TNPO3: variants seen among roughly 807,000 people sequenced by gnomAD.
TNPO3 encodes transportin-3.
TNPO3 carries 65 observed loss-of-function variants against 122.8 expected under a neutral mutation model. That is an observed-to-expected ratio of 0.53 (90% CI 0.43 to 0.65). The LOEUF (loss-of-function observed/expected upper bound fraction) is 0.65. TNPO3 is among the 30% of genes least tolerant of loss of function. The probability of loss-of-function intolerance (pLI) is 0.00; values close to 1 mark genes in which losing one functional copy is unlikely to be tolerated. For synonymous variants in TNPO3, 372 were observed against 411.2 expected (o/e 0.90, Z 1.15); for missense variants, 850 against 1,136.7 (o/e 0.75, Z 3.63).
intron 4 of TNPO3, among the ~76,000 whole-genome samples, chr7:129,012,554 T>C (rs573194165): frequency 6.6e-6 from 1 of 152,250 alleles, no homozygotes; most frequent in East Asian, 1.9e-4. Context: ...CCACAAAGTA[T>C]AATGCAAATA....
chr7:128,989,781 A>G (rs1247949078), intron 11 of TNPO3, among the ~76,000 whole-genome samples, 180 bp downstream of exon 11: 1 of 152,218 alleles, frequency 6.6e-6, no homozygotes, highest in Non-Finnish European at 1.5e-5. Context: ...CTTCTCCCAG[A>G]TCAGATTATA....
intron 4 of TNPO3, among the ~76,000 whole-genome samples, chr7:129,005,520 T>C (rs543807859): frequency 3.3e-5 from 5 of 152,280 alleles, no homozygotes; most frequent in Admixed American, 3.3e-4. Flanking sequence ...GACTGAATCA[T>C]GGGAATGAAC....
At chr7:129,005,803 A>C in intron 4 of TNPO3, among the ~76,000 whole-genome samples, 1 of 132,940 alleles carries the variant, frequency 7.5e-6, no homozygotes, top group African/African-American at 2.8e-5. Flanking sequence ...TTTTTTTGAG[A>C]TGGAGTATTG....
chr7:128,996,125 G>A (rs1266168029), intron 8 of TNPO3, among the ~76,000 whole-genome samples: 1 of 152,170 alleles, frequency 6.6e-6, no homozygotes, highest in Non-Finnish European at 1.5e-5. Context: ...TTAAAATTAA[G>A]AGAACAGCAC....
At chr7:129,013,443 A>T (rs987593082) in intron 4 of TNPO3, among the ~76,000 whole-genome samples, 7 of 152,020 alleles carry the variant, frequency 4.6e-5, no homozygotes, top group African/African-American at 1.7e-4. Context: ...GCAAAAAAAA[A>T]AAAAAATTAA....
At chr7:129,044,588 T>G (rs1378370259) in intron 1 of TNPO3, among the ~76,000 whole-genome samples, 1 of 152,212 alleles carries the variant, frequency 6.6e-6, no homozygotes, top group Non-Finnish European at 1.5e-5. Flanking sequence ...GTAGCAATAC[T>G]GTTAACTTCC....
chr7:129,045,926 G>A (rs532164664), intron 1 of TNPO3, among the ~76,000 whole-genome samples: 11 of 152,044 alleles, frequency 7.2e-5, no homozygotes, highest in East Asian at 3.9e-4. Flanking sequence ...TAGGCCGGGC[G>A]CAGTGGCTCA....
At chr7:129,026,302 G>A (rs1035825736) in intron 1 of TNPO3, among the ~76,000 whole-genome samples, 1 of 151,482 alleles carries the variant, frequency 6.6e-6, no homozygotes, top group Non-Finnish European at 1.5e-5. Flanking sequence ...AGGCAAACCA[G>A]TAATCTTAGA....
intron 1 of TNPO3, chr7:129,041,702 G>A: frequency 1.0e-6 from 1 of 985,488 alleles, no homozygotes; most frequent in Non-Finnish European, 1.2e-6. Context: ...CCCACTAGCA[G>A]CACATTTCAA....
chr7:128,962,939 A>G (rs1340858139), intron 21 of TNPO3, among the ~76,000 whole-genome samples: 1 of 152,176 alleles, frequency 6.6e-6, no homozygotes, highest in Admixed American at 6.5e-5. Context: ...TATCTGTCAT[A>G]TATTAGTCCC....
At chr7:128,965,880 T>A (rs1563086573) in intron 21 of TNPO3, among the ~76,000 whole-genome samples, 1 of 152,176 alleles carries the variant, frequency 6.6e-6, no homozygotes, top group Non-Finnish European at 1.5e-5. Flanking sequence ...TCTAGAGTAG[T>A]CAGACTCAAA....
At chr7:129,014,743 T>G (rs900471612) in intron 4 of TNPO3, among the ~76,000 whole-genome samples, 1 of 152,224 alleles carries the variant, frequency 6.6e-6, no homozygotes, top group African/African-American at 2.4e-5. Context: ...GTTGTGTAAC[T>G]CTAAAGTCCA....
At chr7:128,993,564 C>A (rs1200565509) in intron 9 of TNPO3, among the ~76,000 whole-genome samples, 2 of 152,194 alleles carry the variant, frequency 1.3e-5, no homozygotes, top group Non-Finnish European at 2.9e-5. Context: ...ACAAGTGGAA[C>A]AGCAATCAGT....
intron 9 of TNPO3, among the ~76,000 whole-genome samples, 179 bp downstream of exon 9, chr7:128,993,628 G>C (rs1194391542): frequency 6.6e-6 from 1 of 152,174 alleles, no homozygotes; most frequent in Non-Finnish European, 1.5e-5. Context: ...CAACTGACTT[G>C]TAAAATGTTA....
At chr7:129,002,612 C>T (rs116847922) in intron 5 of TNPO3, among the ~76,000 whole-genome samples, 1 of 152,112 alleles carries the variant, frequency 6.6e-6, no homozygotes, top group African/African-American at 2.4e-5. Flanking sequence ...CATTATATTA[C>T]CAAGTTATAA....
chr7:128,989,799 T>C (rs1168786861), intron 11 of TNPO3, among the ~76,000 whole-genome samples, 162 bp downstream of exon 11: 2 of 152,210 alleles, frequency 1.3e-5, no homozygotes, highest in East Asian at 3.8e-4. Flanking sequence ...ATAAATGTTA[T>C]ATCAAATAAG....
chr7:129,045,152 A>C (rs1807870207), intron 1 of TNPO3, among the ~76,000 whole-genome samples: 1 of 152,224 alleles, frequency 6.6e-6, no homozygotes, highest in African/African-American at 2.4e-5. Context: ...AAGAATAGTC[A>C]CATTCATAGA....
chr7:128,979,002 A>G lies in TNPO3; in HGVS notation c.2042T>C (p.Leu681Pro). The G allele has an allele frequency of 6.2e-7, 1 of 1,614,226 alleles. No individual in the cohort carries two copies. The highest frequency in any genetic ancestry group is 1.1e-5 in the South Asian group (1 of 91,090). Reference protein sequence around the residue: ...RCVGKGSAALLQPLVTQMVNV... With the variant: ...RCVGKGSAALPQPLVTQMVNV... Reference sequence around the variant, plus strand: ...CTTTACCTGTGTGACTAGTGGCTGCAGCAGTGCTGCAGATCCTTTGCCTAC... The same window carrying G: ...CTTTACCTGTGTGACTAGTGGCTGCGGCAGTGCTGCAGATCCTTTGCCTAC... The change falls in exon 16 of 23, where the codon CTG becomes CCG. Residue 681 changes from leucine to proline, a missense_variant. Leu to Pro is a moderately conservative substitution (Grantham distance 98, BLOSUM62 -3). Coordinates refer to ENST00000265388, the MANE Select transcript of TNPO3 (RefSeq NM_012470.4).
intron 12 of TNPO3, among the ~76,000 whole-genome samples, chr7:128,984,504 T>A (rs1799949984): frequency 6.6e-6 from 1 of 152,200 alleles, no homozygotes; most frequent in Non-Finnish European, 1.5e-5. Context: ...TGTCAAAGAC[T>A]TTTAAAATCT....
Sources: allele counts gnomAD v4.1 joint callset (sites outside exome capture counted in the v4.1 genomes callset), GRCh38; gene constraint gnomAD v4.1.1; transcripts MANE v1.5; gene names NCBI Gene and HGNC (gene_info 2026-07-23, HGNC 2026-07-21).